DMPK: variants seen among roughly 807,000 people sequenced by gnomAD.
The protein encoded by DMPK is myotonin-protein kinase.
In DMPK, 32 loss-of-function variants were observed where a neutral mutation model predicts 70.3. The observed-to-expected ratio is 0.46, with a 90% CI of 0.34 to 0.61. DMPK has a LOEUF of 0.61. Among genes scored for constraint, DMPK ranks in the 20% least tolerant of loss-of-function variants. DMPK has a pLI of 0.01. For missense variants in DMPK, 899 were observed against 886.0 expected, an observed-to-expected ratio of 1.01 and a Z score of -0.19; for synonymous variants, 469 against 390.9, an observed-to-expected ratio of 1.20 and a Z score of -2.36.
chr19:45,777,946 C>A lies in DMPK; in HGVS notation c.676-73G>T, dbSNP rs566079768. ...CACCAGCTCTGGGCCCTCCTTCCAACCACTCCCCAAATGCTTAGCCCCTCC... is the reference window on the plus strand; with the variant it reads ...CACCAGCTCTGGGCCCTCCTTCCAAACACTCCCCAAATGCTTAGCCCCTCC... On this transcript the variant is annotated intron_variant, in intron 6 of 14. Transcript: ENST00000291270. The surrounding 1 kb of genome is among the most constrained non-coding windows in gnomAD (Gnocchi z 6.7). 2 of 1,432,756 alleles carry A rather than the reference C, an allele frequency of 1.4e-6. No individual in the cohort carries two copies. The highest frequency in any genetic ancestry group is 1.4e-5 in the African/African-American group (1 of 70,946). The allele number at this position is 1,432,756 out of a possible 1,614,324, so 88.8% of individuals were successfully genotyped here.
At position 45,779,540 on chromosome 19, in the gene DMPK, A is replaced by G. The variant is rs373246151; in HGVS notation, c.253-18T>C. ...ACCGCTACCTGAGGTCGAGATAGTG[A>G]GACAGAGTGGAGACGGCGGGAAAAC... is the stretch of plus-strand genomic sequence containing the variant. On this transcript the variant is annotated intron_variant, in intron 2 of 14. Transcript: ENST00000291270. 4.3e-6 allele frequency: 7 copies of G among 1,613,484 alleles called. No individual in the cohort carries two copies. The Admixed American group carries it at 1.0e-4, about 23-fold the overall frequency.
At position 45,778,612 on chromosome 19, in the gene DMPK, C is replaced by T. The variant is rs754963585; in HGVS notation, c.462G>A (p.Gly154=). 14 of 1,613,884 alleles carry T rather than the reference C, an allele frequency of 8.7e-6. No individual in the cohort carries two copies. Among genetic ancestry groups the T allele is most frequent in the Non-Finnish European group, 1.2e-5 (14 of 1,180,012 alleles). The part of the protein sequence containing the change: ...LYLVMEYYVG[G]DLLTLLSKFG... The stretch of plus-strand genomic sequence containing the variant: ...ACTTGCTCAGCAGTGTCAGCAGGTC[C>T]CCGCCCACGTAATACTCCATGACCA... Residue 154 remains glycine (G), a synonymous_variant, in exon 5 of 15, where the codon GGG becomes GGA. Transcript: ENST00000291270.
chr19:45,771,006 G>T lies in DMPK; in HGVS notation c.1702C>A (p.Pro568Thr), dbSNP rs1184751251. The change falls in exon 14 of 15, where the codon CCC becomes ACC. Residue 568 changes from proline (P) to threonine (T), a missense_variant. Around this residue, in one of 3 missense-constraint regions of DMPK, gnomAD observed 555 missense variants for 483.8 expected, o/e 1.15. Transcript: ENST00000291270. ...VGQCPLVGPG[P>T]MHRRHLLLPA... ...AGCAGCAGGTGGCGGCGGTGCATGG[G>T]GCCTGGCCCCACCAGCGGGCACTGG... is the stretch of plus-strand genomic sequence containing the variant. The T allele has an allele frequency of 6.8e-7, 1 of 1,469,722 alleles. No homozygotes were observed. Among genetic ancestry groups the T allele is most frequent in the Non-Finnish European group, 9.0e-7 (1 of 1,113,922 alleles). The allele number at this position is 1,469,722 out of a possible 1,614,324, so 91.0% of individuals were successfully genotyped here. A position where few individuals can be genotyped will look rare whatever the true frequency, so the allele number is the denominator to read the frequency against.
intron 1 of DMPK, among the ~76,000 whole-genome samples, chr19:45,781,880 C>T (rs1970140796): frequency 1.3e-5 from 2 of 152,166 alleles, no homozygotes; most frequent in African/African-American, 2.4e-5. Context: ...GACCCTGACC[C>T]TGACCCTGAG....
In DMPK at chr19:45,779,878, G is replaced by C; in HGVS notation, c.161-9C>G. On this transcript the variant is annotated splice_polypyrimidine_tract_variant and intron_variant, in intron 1 of 14. Coordinates refer to ENST00000291270, the MANE Select transcript of DMPK (RefSeq NM_004409.5). The stretch of plus-strand genomic sequence containing the variant: ...CACCACGATGGGCTCCGCTGGGGGG[G>C]TGGTGGGGGAAAAGAACCGAGGGTC... 8.1e-6 allele frequency: 13 copies of C among 1,613,576 alleles called. No homozygotes were observed. Among genetic ancestry groups the C allele is most frequent in the Non-Finnish European group, 1.1e-5 (13 of 1,179,868 alleles).
chr19:45,772,842 T>A (rs1969552385), intron 9 of DMPK, 90 bp from the exon 10 acceptor site: 1 of 663,586 alleles, frequency 1.5e-6, no homozygotes, highest in African/African-American at 1.9e-5. Flanking sequence ...TAGGGGCAGC[T>A]GCTTCCAAGA....
chr19:45,771,714 A>C (rs915915), intron 11 of DMPK, 49 bp from the exon 12 acceptor site: 778,716 of 1,607,950 alleles, frequency 0.48, 192,212 homozygotes, highest in East Asian at 0.67. Flanking sequence ...ACGAGAGGGG[A>C]TGCCAAGGGT....
intron 5 of DMPK, 41 bp from the exon 6 acceptor site, chr19:45,778,261 C>A: frequency 6.4e-7 from 1 of 1,568,486 alleles, no homozygotes; most frequent in South Asian, 1.1e-5. Context: ...AATGAACCTC[C>A]CTTCTGTGGT....
intron 1 of DMPK, 48 bp downstream of exon 1, chr19:45,782,145 T>G: frequency 2.1e-5 from 12 of 577,000 alleles, no homozygotes; most frequent in Non-Finnish European, 2.7e-5. Context: ...ACCTGTCTCC[T>G]GCCCCACCCC....
intron 1 of DMPK, among the ~76,000 whole-genome samples, chr19:45,781,466 G>T (rs1970113053): frequency 1.3e-5 from 2 of 152,080 alleles, no homozygotes; most frequent in African/African-American, 4.8e-5. Flanking sequence ...ACTAAAGGAC[G>T]CAGGGACCCG....
chr19:45,773,885 C>T (rs1006940214), intron 9 of DMPK, among the ~76,000 whole-genome samples: 14 of 152,068 alleles, frequency 9.2e-5, no homozygotes, highest in Middle Eastern at 3.4e-3. Context: ...TGAAGCAATC[C>T]GTCCACTTCA....
rs1600429693 is a variant in DMPK at position 45,775,095 on chromosome 19, A to G, written c.1147-61T>C. 5 of 1,365,656 alleles carry G rather than the reference A, an allele frequency of 3.7e-6. No homozygotes were observed. In the East Asian group the frequency reaches 9.8e-5, roughly 27 times the overall value. 84.6% of individuals were successfully genotyped at this position (1,365,656 alleles called of 1,614,324 possible). On this transcript the variant is annotated intron_variant, in intron 8 of 14. Coordinates refer to ENST00000291270, the MANE Select transcript of DMPK (RefSeq NM_004409.5). ...AGGGCGGGCCCCTCACTGCTTTTTGATCTTGGCTTACATGTTCCCCCCAAA... is the reference window on the plus strand; with the variant it reads ...AGGGCGGGCCCCTCACTGCTTTTTGGTCTTGGCTTACATGTTCCCCCCAAA...
chr19:45,777,434 G>A lies in DMPK; in HGVS notation c.1039C>T (p.Leu347Phe). ...GTAAAGGGGGGCACGCTGTCCCGGA[G>A]ACCATCCCAGTCGAGGCCAAAGAAG... ...PFFFGLDWDGLRDSVPPFTPD... is the reference protein window; with the variant it reads ...PFFFGLDWDGFRDSVPPFTPD... Residue 347 changes from leucine to phenylalanine, a missense_variant, in exon 8 of 15, where the codon CTC becomes TTC. Transcript: ENST00000291270. This position sits in a 1 kb window ranked among gnomAD's most constrained non-coding sequence, Gnocchi z 6.7. 1 of 1,613,506 alleles carries A rather than the reference G, an allele frequency of 6.2e-7. No individual in the cohort carries two copies. Among genetic ancestry groups the A allele is most frequent in the South Asian group, 1.1e-5 (1 of 91,084 alleles).
At chr19:45,781,330 G>C (rs1970105382) in intron 1 of DMPK, among the ~76,000 whole-genome samples, 1 of 152,164 alleles carries the variant, frequency 6.6e-6, no homozygotes, top group African/African-American at 2.4e-5. Context: ...GGAGGAGGTG[G>C]GCAGACAAGG....
chr19:45,771,043 G>A lies in DMPK; in HGVS notation c.1665C>T (p.Ala555=), dbSNP rs1278904127. ...DPPSHLDGPP[A]VAVGQCPLVG... ...CCAGCGGGCACTGGCCCACAGCCAC[G>A]GCCGGGGGGCCATCTAGCTGGAGAG... The change falls in exon 14 of 15, where the codon GCC becomes GCT. Residue 555 remains alanine, a synonymous_variant. Coordinates refer to ENST00000291270, the MANE Select transcript of DMPK (RefSeq NM_004409.5). The A allele has an allele frequency of 6.6e-7, 1 of 1,510,512 alleles. No homozygotes were observed. Among genetic ancestry groups the A allele is most frequent in the South Asian group, 1.3e-5 (1 of 79,226 alleles). 93.6% of individuals were successfully genotyped at this position (1,510,512 alleles called of 1,614,324 possible).
chr19:45,780,478 G>T, intron 1 of DMPK: 1 of 1,211,054 alleles, frequency 8.3e-7, no homozygotes, highest in South Asian at 1.6e-5. Context: ...CCTCCAGGAG[G>T]AGTGCTTTAG....
intron 8 of DMPK, chr19:45,776,967 C>T: frequency 4.3e-6 from 1 of 232,936 alleles, no homozygotes; most frequent in South Asian, 1.1e-4. Flanking sequence ...AGAGAGACGG[C>T]CTAAGGGAGG....
At position 45,772,672 on chromosome 19, in the gene DMPK, AGGC is replaced by A. The variant is rs773757842; in HGVS notation, c.1310_1312del (p.Ser437_Leu438delinsMet). 5 of 1,535,020 alleles carry A rather than the reference AGGC, an allele frequency of 3.3e-6. No homozygotes were observed. The highest frequency in any genetic ancestry group is 4.3e-6 in the Non-Finnish European group (5 of 1,151,246). On this transcript the variant is annotated inframe_deletion, in exon 10 of 15. Transcript: ENST00000291270. Reference sequence around the variant, plus strand: ...ATCCTGTGGGGACACCGAGGGCTCCAGGCTGGGCGCTTGCACGTGTGGCTCAAG... The same window carrying A: ...ATCCTGTGGGGACACCGAGGGCTCCATGGGCGCTTGCACGTGTGGCTCAAG...
chr19:45,777,227 G>A lies in DMPK; in HGVS notation c.1146+100C>T. 1 of 1,420,394 alleles carries A rather than the reference G, an allele frequency of 7.0e-7. No individual in the cohort carries two copies. Among genetic ancestry groups the A allele is most frequent in the South Asian group, 1.5e-5 (1 of 67,392 alleles). The allele number at this position is 1,420,394 out of a possible 1,614,324, so 88.0% of individuals were successfully genotyped here. ...ACAGAGCAGGTGCTCTGGGGAATGA[G>A]TGATTCAGGACCCCAGAAGGTAGGC... On this transcript the variant is annotated intron_variant, in intron 8 of 14. Transcript: ENST00000291270. This position sits in a 1 kb window ranked among gnomAD's most constrained non-coding sequence, Gnocchi z 6.7.
Sources: gnomAD v4.1 joint callset for allele counts (sites outside exome capture counted in the v4.1 genomes callset) on GRCh38, gnomAD v4.1.1 for gene constraint, gnomAD v4.1.1 regional missense constraint, Gnocchi (gnomAD v3.1) non-coding constraint, MANE v1.5 for transcripts, NCBI Gene and HGNC (gene_info 2026-07-23, HGNC 2026-07-21) for gene names.